GOT2: variants seen among roughly 807,000 people sequenced by gnomAD.
GOT2 encodes aspartate aminotransferase, mitochondrial.
A neutral mutation model predicts 50.0 loss-of-function variants in GOT2; 17 were observed. The ratio of observed to expected loss-of-function variants is 0.34; its 90% CI spans 0.23 to 0.51. The LOEUF is 0.51. GOT2 is among the 20% of genes least tolerant of loss of function. GOT2 has a pLI of 0.97. For missense variants in GOT2, 430 were observed against 559.6 expected, an observed-to-expected ratio of 0.77 and a Z score of 2.34; for synonymous variants, 172 against 204.9, an observed-to-expected ratio of 0.84 and a Z score of 1.37.
intron 2 of GOT2, 98 bp from the exon 3 acceptor site, chr16:58,722,376 G>T: frequency 7.8e-7 from 1 of 1,274,760 alleles, no homozygotes. Context: ...TGGAGGTAAA[G>T]TCTTTTTTTT....
chr16:58,726,467 A>G (rs1001923029), intron 1 of GOT2, among the ~76,000 whole-genome samples: 1 of 139,076 alleles, frequency 7.2e-6, no homozygotes, highest in African/African-American at 2.8e-5. Flanking sequence ...TACAGGCGTG[A>G]GCCGCCCCCG....
rs148828634 is a variant in GOT2 at position 58,709,538 on chromosome 16, C to T, written c.1049G>A (p.Arg350His). Residue 350 changes from arginine (R) to histidine (H), a missense_variant, in exon 9 of 10, where the codon CGC becomes CAC. Physicochemically the swap from Arg to His is conservative, Grantham distance 29 (BLOSUM62 0). Coordinates refer to ENST00000245206, the MANE Select transcript of GOT2 (RefSeq NM_002080.4). ...WLQEVKVMAD[R>H]IIGMRTQLVS... The stretch of plus-strand genomic sequence containing the variant: ...CAGTTGAGTCCGCATGCCAATGATG[C>T]GGTCAGCCATGACTTTCACTTCTTG... 28 of 1,612,170 alleles carry T rather than the reference C, an allele frequency of 1.7e-5. No individual in the cohort carries two copies. Among genetic ancestry groups the T allele is most frequent in the African/African-American group, 1.5e-4 (11 of 74,892 alleles).
intron 3 of GOT2, chr16:58,721,855 A>C: frequency 5.1e-6 from 1 of 197,950 alleles, no homozygotes; most frequent in Non-Finnish European, 1.0e-5. Context: ...ATCTTGGCTC[A>C]CCACAACCTC....
chr16:58,712,408 G>C (rs552481027), intron 8 of GOT2, among the ~76,000 whole-genome samples: 97 of 152,286 alleles, frequency 6.4e-4, no homozygotes, highest in South Asian at 2.7e-3. Context: ...GCTCAGGGGA[G>C]CCTGAGGCAG....
At chr16:58,716,834 G>A (rs777059898) in intron 6 of GOT2, 21 bp from the exon 7 acceptor site, 9 of 1,612,944 alleles carry the variant, frequency 5.6e-6, no homozygotes, top group African/African-American at 1.3e-5. Context: ...ACGAAAGATC[G>A]AAGCTTTAGC....
At position 58,716,794 on chromosome 16, in the gene GOT2, A is replaced by C; in HGVS notation, c.722T>G (p.Phe241Cys). ...TVVKKRNLFA[F>C]FDMAYQGFAS... The stretch of plus-strand genomic sequence containing the variant: ...AAAGCCTTGGTAGGCCATGTCAAAG[A>C]ACGCAAAGAGATTCCTTTTCTGAGA... Residue 241 changes from phenylalanine (F) to cysteine (C), a missense_variant, in exon 7 of 10, where the codon TTC becomes TGC. By Grantham distance (205) the Phe-to-Cys change is radical (BLOSUM62 -2). Coordinates refer to ENST00000245206, the MANE Select transcript of GOT2 (RefSeq NM_002080.4). 11 of 1,614,206 alleles carry C rather than the reference A, an allele frequency of 6.8e-6. No homozygotes were observed. Among genetic ancestry groups the C allele is most frequent in the Non-Finnish European group, 8.5e-6 (10 of 1,180,010 alleles).
At chr16:58,710,967 C>CAAAAAAA (rs35679170) in intron 8 of GOT2, among the ~76,000 whole-genome samples, 59 of 72,942 alleles carry the variant, frequency 8.1e-4, no homozygotes, top group African/African-American at 1.3e-3. Flanking sequence ...GACTCTGTCT[C>CAAAAAAA]AAAAAAAAAA....
chr16:58,714,481 G>A (rs2044674844), intron 8 of GOT2, among the ~76,000 whole-genome samples: 1 of 151,482 alleles, frequency 6.6e-6, no homozygotes, highest in Non-Finnish European at 1.5e-5. Context: ...GAACCCGGGA[G>A]GCGGAGCTTG....
intron 6 of GOT2, among the ~76,000 whole-genome samples, chr16:58,717,781 C>G (rs1300526798): frequency 6.6e-6 from 1 of 152,202 alleles, no homozygotes; most frequent in Admixed American, 6.5e-5. Flanking sequence ...ATCTCCACCT[C>G]CTGGGTTCAA....
Position 58,709,561 on chromosome 16 carries a change from T to C in GOT2, c.1026A>G (p.Gln342=). 1 of 1,608,568 alleles carries C rather than the reference T, an allele frequency of 6.2e-7. No individual in the cohort carries two copies. The highest frequency in any genetic ancestry group is 1.1e-5 in the South Asian group (1 of 90,944). Residue 342 remains glutamine, a synonymous_variant, in exon 9 of 10, where the codon CAA becomes CAG. Transcript: ENST00000245206. ...NTPDLRKQWL[Q]EVKVMADRII... ...TGCGGTCAGCCATGACTTTCACTTCTTGCAGCCTGTAAAGAAACCCTGAGA... is the reference window on the plus strand; with the variant it reads ...TGCGGTCAGCCATGACTTTCACTTCCTGCAGCCTGTAAAGAAACCCTGAGA...
chr16:58,709,566 G>A lies in GOT2; in HGVS notation c.1021C>T (p.Leu341=). Residue 341 remains leucine (L), a splice_region_variant and synonymous_variant, in exon 9 of 10, where the codon CTG becomes TTG. Transcript: ENST00000245206. ...LNTPDLRKQW[L]QEVKVMADRI... ...TCAGCCATGACTTTCACTTCTTGCAGCCTGTAAAGAAACCCTGAGATGCAG... is the reference window on the plus strand; with the variant it reads ...TCAGCCATGACTTTCACTTCTTGCAACCTGTAAAGAAACCCTGAGATGCAG... The A allele has an allele frequency of 6.2e-7, 1 of 1,607,762 alleles. No individual in the cohort carries two copies. The highest frequency in any genetic ancestry group is 8.5e-7 in the Non-Finnish European group (1 of 1,174,614).
In GOT2 at chr16:58,718,570, T is replaced by C; in HGVS notation, c.554A>G (p.Lys185Arg). ...QLQGYRYYDP[K>R]TCGFDFTGAV... The stretch of plus-strand genomic sequence containing the variant: ...GCCTGTGAAGTCAAAACCGCAAGTC[T>C]TGGGGTCATAATACCGATAACCTTG... The change falls in exon 5 of 10, where the codon AAG becomes AGG. Residue 185 changes from lysine to arginine, a missense_variant. Lys to Arg is a conservative substitution (Grantham distance 26). Transcript: ENST00000245206. 1.9e-6 allele frequency: 3 copies of C among 1,607,052 alleles called. No homozygotes were observed. The highest frequency in any genetic ancestry group is 1.3e-5 in the African/African-American group (1 of 74,694).
intron 1 of GOT2, among the ~76,000 whole-genome samples, chr16:58,724,459 T>G (rs1259776381): frequency 3.9e-5 from 6 of 152,124 alleles, no homozygotes; most frequent in Non-Finnish European, 8.8e-5. Flanking sequence ...CAGTCCCATA[T>G]ACCCTTACCC....
intron 1 of GOT2, among the ~76,000 whole-genome samples, chr16:58,724,727 G>T (rs2044769262): frequency 6.6e-6 from 1 of 152,124 alleles, no homozygotes; most frequent in Non-Finnish European, 1.5e-5. Flanking sequence ...TTTTGGTAGA[G>T]ACGGGGTTTC....
Position 58,716,758 on chromosome 16 carries a change from T to A in GOT2, c.758A>T (p.Asp253Val). Reference sequence around the variant, plus strand: ...CACAGCCCAGGCATCCTTATCACCATCACCACTGGCAAAGCCTTGGTAGGC... The same window carrying A: ...CACAGCCCAGGCATCCTTATCACCAACACCACTGGCAAAGCCTTGGTAGGC... The part of the protein sequence containing the change: ...DMAYQGFASG[D>V]GDKDAWAVRH... The change falls in exon 7 of 10, where the codon GAT (aspartate) becomes GTT (valine). Residue 253 changes from aspartate (D) to valine (V), a missense_variant. By Grantham distance (152) the Asp-to-Val change is radical. Transcript: ENST00000245206. The A allele has an allele frequency of 6.2e-7, 1 of 1,613,996 alleles. No homozygotes were observed. Among genetic ancestry groups the A allele is most frequent in the East Asian group, 2.2e-5 (1 of 44,878 alleles).
Position 58,718,306 on chromosome 16 carries a change from G to T in GOT2, c.598-6C>A. The T allele has an allele frequency of 2.5e-6, 4 of 1,606,446 alleles. No homozygotes were observed. The highest frequency in any genetic ancestry group is 2.6e-6 in the Non-Finnish European group (3 of 1,173,020). ...ACACTCTGCTCTGGTATTTTCTAAA[G>T]AGAAAAACAGCCAAGAGACGACTTT... On this transcript the variant is annotated splice_polypyrimidine_tract_variant and splice_region_variant and intron_variant, in intron 5 of 9. Coordinates refer to ENST00000245206, the MANE Select transcript of GOT2 (RefSeq NM_002080.4).
At chr16:58,728,167 T>C (rs1021372174) in intron 1 of GOT2, among the ~76,000 whole-genome samples, 7 of 152,238 alleles carry the variant, frequency 4.6e-5, no homozygotes, top group African/African-American at 1.7e-4. Flanking sequence ...GGGCAGATTA[T>C]TTCCAGTTTT....
Position 58,708,279 on chromosome 16 carries a change from G to C in GOT2, c.1185C>G (p.Ile395Met). 2.5e-6 allele frequency: 4 copies of C among 1,613,922 alleles called. No individual in the cohort carries two copies. Among genetic ancestry groups the C allele is most frequent in the Non-Finnish European group, 3.4e-6 (4 of 1,179,932 alleles). ...TTGTCATGTAGATGGAGAACTCCTT[G>C]ATCAGCCGCTCCACCTGCAGAGAGG... ...GLKPEQVERLIKEFSIYMTKD... is the reference protein window; with the variant it reads ...GLKPEQVERLMKEFSIYMTKD... The change falls in exon 10 of 10, where the codon ATC (isoleucine) becomes ATG (methionine). Residue 395 changes from isoleucine to methionine, a missense_variant. Transcript: ENST00000245206.
chr16:58,733,086 T>C (rs535843616), intron 1 of GOT2, among the ~76,000 whole-genome samples: 1 of 152,278 alleles, frequency 6.6e-6, no homozygotes, highest in Non-Finnish European at 1.5e-5. Flanking sequence ...CTCCTTGCAG[T>C]TAATACCTGC....
Sources: allele counts gnomAD v4.1 joint callset (sites outside exome capture counted in the v4.1 genomes callset), GRCh38; gene constraint gnomAD v4.1.1; transcripts MANE v1.5; gene names NCBI Gene and HGNC (gene_info 2026-07-23, HGNC 2026-07-21).